The following C12orf42 variants were observed in gnomAD, a reference collection of about 807,000 sequenced individuals.
The protein encoded by C12orf42 is chromosome 12 open reading frame 42.
Under a neutral mutation model 21.6 loss-of-function variants are expected in C12orf42, and 25 were observed. That is an observed-to-expected ratio of 1.16 (90% CI 0.84 to 1.62). The LOEUF is 1.62. Ranked by LOEUF, C12orf42 falls within the 40% of genes most tolerant of loss-of-function variation. The probability of loss-of-function intolerance (pLI) is 0.00; values close to 1 mark genes in which losing one functional copy is unlikely to be tolerated. For missense variants in C12orf42, 483 were observed against 459.3 expected, an observed-to-expected ratio of 1.05 and a Z score of -0.47; for synonymous variants, 174 against 175.0, an observed-to-expected ratio of 0.99 and a Z score of 0.05.
chr12:103,421,341 G>A (rs1036052383), intron 2 of C12orf42, among the ~76,000 whole-genome samples: 10 of 152,134 alleles, frequency 6.6e-5, no homozygotes, highest in East Asian at 1.9e-4. Context: ...AGACCAAGGC[G>A]GGAGAATCCC....
At chr12:103,354,816 T>C (rs1315313953) in intron 4 of C12orf42, among the ~76,000 whole-genome samples, 1 of 152,032 alleles carries the variant, frequency 6.6e-6, no homozygotes, top group Admixed American at 6.6e-5. Flanking sequence ...GGTTGGTCTC[T>C]CAAAGTGCTG....
At chr12:103,486,010 T>G (rs957053311) in intron 1 of C12orf42, among the ~76,000 whole-genome samples, 1 of 152,218 alleles carries the variant, frequency 6.6e-6, no homozygotes, top group Admixed American at 6.5e-5. Context: ...CAACACTATG[T>G]TGAATAGGAG....
the C12orf42 span, among the ~76,000 whole-genome samples, chr12:103,088,995 G>A: frequency 1.3e-5 from 2 of 151,080 alleles, no homozygotes; most frequent in African/African-American, 2.4e-5. Flanking sequence ...CCAGCTACTC[G>A]GGAGGCTGAG....
chr12:103,339,217 C>A (rs1224907120), intron 4 of C12orf42, among the ~76,000 whole-genome samples: 14 of 152,184 alleles, frequency 9.2e-5, no homozygotes, highest in African/African-American at 3.4e-4. Context: ...TTTTTAAAAT[C>A]TTTTAAGTTC....
the C12orf42 span, among the ~76,000 whole-genome samples, chr12:103,208,567 A>C: frequency 6.6e-6 from 1 of 152,200 alleles, no homozygotes; most frequent in Non-Finnish European, 1.5e-5. Flanking sequence ...GGGAATTAAG[A>C]CTGATTTTTG....
chr12:103,501,545 C>G, the C12orf42 span, among the ~76,000 whole-genome samples: 2 of 152,166 alleles, frequency 1.3e-5, no homozygotes, highest in African/African-American at 4.8e-5. Context: ...GCGCCAGCAC[C>G]CTATTGCCCT....
intron 4 of C12orf42, among the ~76,000 whole-genome samples, chr12:103,336,599 T>C (rs1231828383): frequency 6.6e-6 from 1 of 152,214 alleles, no homozygotes; most frequent in Non-Finnish European, 1.5e-5. Flanking sequence ...TGTCAATAAA[T>C]GAATATATCC....
intron 2 of C12orf42, among the ~76,000 whole-genome samples, chr12:103,425,800 C>G (rs142914225): frequency 4.9e-4 from 74 of 152,150 alleles, no homozygotes; most frequent in African/African-American, 1.5e-3. Context: ...GATTCCCTAC[C>G]CTGAGGTGAG....
the C12orf42 span, among the ~76,000 whole-genome samples, chr12:103,121,351 T>C: frequency 6.6e-6 from 1 of 152,218 alleles, no homozygotes; most frequent in African/African-American, 2.4e-5. Context: ...TGACTTGTCC[T>C]GGTCAGCAGG....
At chr12:103,476,127 CAT>C (rs1291976528) in intron 2 of C12orf42, among the ~76,000 whole-genome samples, 28 of 152,174 alleles carry the variant, frequency 1.8e-4, no homozygotes, top group African/African-American at 6.8e-4. Flanking sequence ...GATGTCAGAG[CAT>C]ACAGCAAATT....
At chr12:103,147,623 C>CT in the C12orf42 span, among the ~76,000 whole-genome samples, 25,998 of 98,798 alleles carry the variant, frequency 0.26, 4,357 homozygotes, top group East Asian at 0.47. Context: ...TTCTCTCTCT[C>CT]TTTTTTTTTT....
chr12:103,423,592 C>T (rs1281471108), intron 2 of C12orf42, among the ~76,000 whole-genome samples: 2 of 152,290 alleles, frequency 1.3e-5, no homozygotes, highest in East Asian at 3.9e-4. Flanking sequence ...TTGTGCTCTA[C>T]TGTTTGTACA....
At chr12:103,524,609 A>T in the C12orf42 span, among the ~76,000 whole-genome samples, 2 of 152,214 alleles carry the variant, frequency 1.3e-5, no homozygotes, top group Non-Finnish European at 2.9e-5. Context: ...GCTGGACCAA[A>T]TCAACTTCAA....
the C12orf42 span, among the ~76,000 whole-genome samples, chr12:103,061,598 C>T: frequency 6.6e-6 from 1 of 151,732 alleles, no homozygotes; most frequent in African/African-American, 2.4e-5. Context: ...ATATAAGTGG[C>T]AGACTGGCCC....
chr12:103,230,768 TTC>T, the C12orf42 span, among the ~76,000 whole-genome samples: 1 of 152,232 alleles, frequency 6.6e-6, no homozygotes, highest in Admixed American at 6.5e-5. Flanking sequence ...ACTTTGTTGA[TTC>T]TCTCAGTTAT....
At chr12:103,235,233 C>T (rs1036267479), downstream of C12orf42, among the ~76,000 whole-genome samples, 15 of 152,114 alleles carry the variant, frequency 9.9e-5, no homozygotes, top group African/African-American at 3.4e-4. Context: ...TCAGTTTACA[C>T]CCATGGGAGG....
At position 103,305,972 on chromosome 12, in the gene C12orf42, A is replaced by G. The variant is rs1048963339; in HGVS notation, c.631+2T>C. On this transcript the variant is annotated splice_donor_variant, in intron 5 of 5. Coordinates refer to ENST00000548883, the MANE Select transcript of C12orf42 (RefSeq NM_198521.5). LOFTEE classifies it high-confidence loss of function. The stretch of plus-strand genomic sequence containing the variant: ...AGTCAGTAACCACAACATGATACTT[A>G]CCAGAATTTTTCTTGGGACTGCTCA... The G allele has an allele frequency of 4.2e-5, 67 of 1,598,288 alleles. No homozygotes were observed. Among genetic ancestry groups the G allele is most frequent in the Non-Finnish European group, 5.7e-5 (66 of 1,168,006 alleles).
intron 4 of C12orf42, among the ~76,000 whole-genome samples, chr12:103,346,938 T>C (rs1440877831): frequency 1.3e-5 from 2 of 152,206 alleles, no homozygotes; most frequent in African/African-American, 2.4e-5. Flanking sequence ...AATAAGCTCA[T>C]TGTTAATAAA....
chr12:103,064,968 G>T, the C12orf42 span, among the ~76,000 whole-genome samples: 1 of 152,180 alleles, frequency 6.6e-6, no homozygotes, highest in Non-Finnish European at 1.5e-5. Context: ...TGCATAATTG[G>T]CACAGACATT....
Sources: gnomAD v4.1 joint callset for allele counts (sites outside exome capture counted in the v4.1 genomes callset) on GRCh38, gnomAD v4.1.1 for gene constraint, MANE v1.5 for transcripts, NCBI Gene and HGNC (gene_info 2026-07-23, HGNC 2026-07-21) for gene names.